CLMP: variants seen among roughly 807,000 people sequenced by gnomAD.
The protein encoded by CLMP is CXADR like cell adhesion molecule, also known as CXADR-like membrane protein.
Under a neutral mutation model 45.2 loss-of-function variants are expected in CLMP, and 27 were observed. The ratio of observed to expected loss-of-function variants is 0.60; its 90% CI spans 0.44 to 0.82. The LOEUF is 0.82. CLMP is among the 40% of genes least tolerant of loss of function. CLMP has a pLI of 0.00. For missense variants in CLMP, 403 were observed against 448.4 expected, an observed-to-expected ratio of 0.90 and a Z score of 0.91; for synonymous variants, 167 against 171.4, an observed-to-expected ratio of 0.97 and a Z score of 0.20.
At chr11:123,123,587 C>T (rs567629277) in intron 1 of CLMP, among the ~76,000 whole-genome samples, 21 of 152,116 alleles carry the variant, frequency 1.4e-4, no homozygotes, top group Middle Eastern at 3.4e-3. Context: ...AAATTGGTGG[C>T]GAGTCCCATG....
intron 1 of CLMP, among the ~76,000 whole-genome samples, chr11:123,099,048 C>T (rs1409149099): frequency 6.6e-6 from 1 of 151,970 alleles, no homozygotes; most frequent in Non-Finnish European, 1.5e-5. Flanking sequence ...TGCCAGGTCC[C>T]AGGTTACTTC....
rs370323754 is a variant in CLMP, at chr11:123,093,197, C to T, written c.186+4598G>A. Among the ~76,000 whole-genome samples, 26 of 151,916 alleles carry T rather than the reference C, an allele frequency of 1.7e-4. 1 individual carries two copies. The highest frequency in any genetic ancestry group is 3.4e-3 in the Middle Eastern group (1 of 292). On this transcript the variant is annotated intron_variant, in intron 2 of 6. Coordinates refer to ENST00000448775, the MANE Select transcript of CLMP (RefSeq NM_024769.5). The stretch of plus-strand genomic sequence containing the variant: ...CTGGAATTACAGGTGTGAACCACCA[C>T]GCCCGGCCATCACACACCTACTTTT...
chr11:123,113,025 G>A (rs1276230689), intron 1 of CLMP, among the ~76,000 whole-genome samples: 1 of 151,936 alleles, frequency 6.6e-6, no homozygotes, highest in East Asian at 1.9e-4. Context: ...TGCCCTCCTC[G>A]ACCTCCCAAA....
chr11:123,112,795 A>G (rs1240859472), intron 1 of CLMP, among the ~76,000 whole-genome samples: 4 of 111,398 alleles, frequency 3.6e-5, no homozygotes, highest in South Asian at 2.8e-4. Context: ...TTTTTTTGAG[A>G]CGAAGTCTCG....
intron 1 of CLMP, among the ~76,000 whole-genome samples, chr11:123,113,019 C>T (rs915813249): frequency 6.6e-5 from 10 of 152,170 alleles, no homozygotes; most frequent in East Asian, 1.9e-4. Flanking sequence ...GTGATCTGCC[C>T]TCCTCGACCT....
At chr11:123,086,646 C>T (rs974209828) in intron 2 of CLMP, among the ~76,000 whole-genome samples, 1 of 152,220 alleles carries the variant, frequency 6.6e-6, no homozygotes, top group Non-Finnish European at 1.5e-5. Context: ...AGGGAAAGCC[C>T]TCTGCTTTAG....
chr11:123,092,186 G>T (rs907515325), intron 2 of CLMP, among the ~76,000 whole-genome samples: 2 of 151,998 alleles, frequency 1.3e-5, no homozygotes, highest in Non-Finnish European at 2.9e-5. Flanking sequence ...GGTGTTTGGG[G>T]CATACTGCTA....
chr11:123,174,206 T>C (rs1861671188), intron 1 of CLMP, among the ~76,000 whole-genome samples: 1 of 152,218 alleles, frequency 6.6e-6, no homozygotes, highest in Admixed American at 6.5e-5. Context: ...CAGAGCAAGC[T>C]CTTCCTACAC....
At chr11:123,120,069 T>C (rs1246573187) in intron 1 of CLMP, among the ~76,000 whole-genome samples, 1 of 152,200 alleles carries the variant, frequency 6.6e-6, no homozygotes, top group Non-Finnish European at 1.5e-5. Flanking sequence ...TCACTTATTT[T>C]GATGTGCCTT....
chr11:123,076,610 G>C (rs1865743279), intron 5 of CLMP, among the ~76,000 whole-genome samples: 1 of 152,156 alleles, frequency 6.6e-6, no homozygotes, highest in African/African-American at 2.4e-5. Context: ...TCTAGGAACA[G>C]AGCATTCCAG....
At position 123,162,793 on chromosome 11, in the gene CLMP, T is replaced by C. The variant is rs1861504296; in HGVS notation, c.28+32120A>G. ...GGCAAGTGCCTGTAGTCCCAGCTGC[T>C]TGGGGGGCTGAGGCAGGAGGATCAC... On this transcript the variant is annotated intron_variant, in intron 1 of 6. Coordinates refer to ENST00000448775, the MANE Select transcript of CLMP (RefSeq NM_024769.5). Among the ~76,000 whole-genome samples, 3 of 150,392 alleles carry C rather than the reference T, an allele frequency of 2.0e-5. No homozygotes were observed. The South Asian group carries it at 6.4e-4, about 32-fold the overall frequency.
At chr11:123,112,107 G>C (rs917439778) in intron 1 of CLMP, among the ~76,000 whole-genome samples, 1 of 152,090 alleles carries the variant, frequency 6.6e-6, no homozygotes, top group Non-Finnish European at 1.5e-5. Flanking sequence ...AGGCAACGAG[G>C]AACGGAACAC....
intron 1 of CLMP, among the ~76,000 whole-genome samples, chr11:123,125,437 A>G (rs946488289): frequency 5.6e-5 from 8 of 142,636 alleles, no homozygotes; most frequent in African/African-American, 2.1e-4. Flanking sequence ...CACGTTCCCC[A>G]GCACTCACTC....
intron 1 of CLMP, among the ~76,000 whole-genome samples, chr11:123,154,754 T>A (rs1330323596): frequency 6.6e-6 from 1 of 152,192 alleles, no homozygotes; most frequent in Non-Finnish European, 1.5e-5. Flanking sequence ...TGCTTTACTT[T>A]CCACTGAAAT....
rs796648886 is a variant in CLMP, at chr11:123,097,907, C to T, written c.74G>A (p.Arg25Lys). 6.2e-7 allele frequency: 1 copy of T among 1,602,466 alleles called. No individual in the cohort carries two copies. The highest frequency in any genetic ancestry group is 1.3e-5 in the African/African-American group (1 of 74,330). The part of the protein sequence containing the change: ...GTLGTHTEIK[R>K]VAEEKVTLPC... ...CAAAGTGACCTTTTCCTCTGCCACT[C>T]TCTTGATCTCAGTGTGAGTCCCCAA... is the stretch of plus-strand genomic sequence containing the variant. The change falls in exon 2 of 7, where the codon AGA (arginine) becomes AAA (lysine). Residue 25 changes from arginine to lysine, a missense_variant. Transcript: ENST00000448775.
chr11:123,083,670 G>C lies in CLMP; in HGVS notation c.556+10C>G. On this transcript the variant is annotated intron_variant, in intron 4 of 6. Transcript: ENST00000448775. ...TGTTGGCTCAATAGATTGGTAGGAA[G>C]ATGACTTACCAATCCTAGATTTGGG... The C allele has an allele frequency of 6.2e-7, 1 of 1,613,378 alleles. No individual in the cohort carries two copies. The highest frequency in any genetic ancestry group is 8.5e-7 in the Non-Finnish European group (1 of 1,179,374).
At chr11:123,086,701 T>C (rs1865868878) in intron 2 of CLMP, among the ~76,000 whole-genome samples, 1 of 152,166 alleles carries the variant, frequency 6.6e-6, no homozygotes, top group East Asian at 1.9e-4. Flanking sequence ...CTCCTGGATG[T>C]GGTACTTGTT....
At chr11:123,153,673 C>T (rs1467893280) in intron 1 of CLMP, among the ~76,000 whole-genome samples, 1 of 152,030 alleles carries the variant, frequency 6.6e-6, no homozygotes, top group African/African-American at 2.4e-5. Flanking sequence ...CCTTTTAATG[C>T]TTTTTAATTT....
At chr11:123,126,791 G>A (rs896055478) in intron 1 of CLMP, among the ~76,000 whole-genome samples, 2 of 151,942 alleles carry the variant, frequency 1.3e-5, no homozygotes, top group African/African-American at 4.8e-5. Context: ...CAGCTACTTG[G>A]GAGACTCAGG....
Sources: gnomAD v4.1 joint callset for allele counts (sites outside exome capture counted in the v4.1 genomes callset) on GRCh38, gnomAD v4.1.1 for gene constraint, MANE v1.5 for transcripts, NCBI Gene and HGNC (gene_info 2026-07-23, HGNC 2026-07-21) for gene names.